The following ARHGEF12 variants were observed in gnomAD, a reference collection of about 807,000 sequenced individuals.
ARHGEF12 encodes the protein KMT2A/ARHGEF12 fusion protein.
ARHGEF12 carries 66 observed loss-of-function variants against 211.2 expected under a neutral mutation model. That is an observed-to-expected ratio of 0.31 (90% CI 0.26 to 0.38). The LOEUF (loss-of-function observed/expected upper bound fraction) is 0.38. Ranked by LOEUF, ARHGEF12 falls within the 10% of genes least tolerant of loss-of-function variation. The pLI is 1.00. For missense variants in ARHGEF12, 1,429 were observed against 1,869.5 expected (o/e 0.76, Z 4.34); for synonymous variants, 592 against 638.4 (o/e 0.93, Z 1.09).
chr11:120,351,784 A>G (rs1030733089), intron 1 of ARHGEF12, among the ~76,000 whole-genome samples: 1 of 151,930 alleles, frequency 6.6e-6, no homozygotes, highest in African/African-American at 2.4e-5. Context: ...TGTTACATTT[A>G]TTGAGTACAT....
chr11:120,394,225 CTT>C (rs942213637), intron 1 of ARHGEF12, among the ~76,000 whole-genome samples: 2 of 144,922 alleles, frequency 1.4e-5, no homozygotes, highest in Non-Finnish European at 1.5e-5. Flanking sequence ...ACATCAGCTT[CTT>C]TTTTTTTTTT....
intron 27 of ARHGEF12, 27 bp from the exon 28 acceptor site, chr11:120,465,208 CTT>C (rs1397615992): frequency 1.9e-6 from 3 of 1,612,910 alleles, no homozygotes; most frequent in Non-Finnish European, 1.7e-6. Flanking sequence ...TTCCCATTCT[CTT>C]TTGTGTTCTT....
At chr11:120,432,597 CG>C (rs1241850851) in intron 11 of ARHGEF12, among the ~76,000 whole-genome samples, 1 of 152,012 alleles carries the variant, frequency 6.6e-6, no homozygotes. Flanking sequence ...GAAGTCTGAA[CG>C]AATGTTTTGT....
At chr11:120,424,526 A>G in intron 7 of ARHGEF12, 111 bp downstream of exon 7, 4 of 777,206 alleles carry the variant, frequency 5.1e-6, no homozygotes, top group Admixed American at 4.2e-5. Context: ...TGTGGACTAT[A>G]TAGTCTACTG....
chr11:120,421,398 A>G (rs1222546640), intron 5 of ARHGEF12, among the ~76,000 whole-genome samples: 3 of 146,528 alleles, frequency 2.0e-5, no homozygotes, highest in Admixed American at 6.8e-5. Flanking sequence ...CAGAAGCAGC[A>G]TTTGAATGTA....
intron 1 of ARHGEF12, among the ~76,000 whole-genome samples, chr11:120,350,510 G>A (rs533564112): frequency 3.2e-4 from 46 of 145,568 alleles, no homozygotes; most frequent in African/African-American, 1.1e-3. Context: ...GCAAGACTCC[G>A]TCTCAAAAAA....
chr11:120,351,443 ATATATATATATATTTTT>A (rs1942958399), intron 1 of ARHGEF12, among the ~76,000 whole-genome samples: 1 of 3,774 alleles, frequency 2.6e-4, no homozygotes, highest in Non-Finnish European at 4.0e-4. Flanking sequence ...ATATATATAT[ATATATATATATATTTTT>A]TTTTTTTTTT....
At position 120,457,941 on chromosome 11, in the gene ARHGEF12, A is replaced by G. The variant is rs567789598; in HGVS notation, c.2226-139A>G. 4.9e-5 allele frequency: 58 copies of G among 1,188,266 alleles called. No individual in the cohort carries two copies. In the Middle Eastern group the frequency reaches 6.9e-4, roughly 14 times the overall value. 73.6% of individuals were successfully genotyped at this position (1,188,266 alleles called of 1,614,324 possible). ...ATTTTGAAGTATGTATAAAACAGCC[A>G]TTTGTAGGAGAGGATGAAATTTCAG... On this transcript the variant is annotated intron_variant, in intron 24 of 40. Transcript: ENST00000397843.
intron 1 of ARHGEF12, among the ~76,000 whole-genome samples, chr11:120,360,795 G>GA (rs1005902078): frequency 3.3e-5 from 5 of 152,052 alleles, no homozygotes; most frequent in Admixed American, 3.3e-4. Flanking sequence ...AAAGAGAATA[G>GA]AAAAAATATG....
rs1945286780 is a variant in ARHGEF12, at chr11:120,424,620, T to G, written c.406+205T>G. On this transcript the variant is annotated intron_variant, in intron 7 of 40. Transcript: ENST00000397843. Reference sequence around the variant, plus strand: ...GGCTGAGCTTCAGTAAAACTTTATTTGCCAAAAGTCTGTGATCCTGGTTTA... The same window carrying G: ...GGCTGAGCTTCAGTAAAACTTTATTGGCCAAAAGTCTGTGATCCTGGTTTA... Among the ~76,000 whole-genome samples the G allele has an allele frequency of 2.0e-5, 3 of 152,202 alleles. No homozygotes were observed. The South Asian group carries it at 6.2e-4, about 32-fold the overall frequency.
At chr11:120,461,008 T>G (rs1424121512) in intron 27 of ARHGEF12, among the ~76,000 whole-genome samples, 1 of 152,198 alleles carries the variant, frequency 6.6e-6, no homozygotes, top group African/African-American at 2.4e-5. Flanking sequence ...CAGGCTCCAC[T>G]GTAATCCTAG....
chr11:120,415,242 C>T (rs1044178946), intron 4 of ARHGEF12, among the ~76,000 whole-genome samples: 1 of 151,954 alleles, frequency 6.6e-6, no homozygotes, highest in African/African-American at 2.4e-5. Context: ...TTATCTTTGG[C>T]TTTCTCTGTA....
intron 1 of ARHGEF12, among the ~76,000 whole-genome samples, chr11:120,370,879 A>T (rs1162446178): frequency 2.1e-5 from 3 of 144,288 alleles, no homozygotes; most frequent in Non-Finnish European, 3.1e-5. Flanking sequence ...TTAATTTTAT[A>T]TTGTTTTGGC....
intron 39 of ARHGEF12, among the ~76,000 whole-genome samples, chr11:120,483,228 AC>A (rs1279960685): frequency 6.7e-6 from 1 of 149,730 alleles, no homozygotes; most frequent in Non-Finnish European, 1.5e-5. Flanking sequence ...AGTGCCACAC[AC>A]CAGGTTTCTA....
chr11:120,482,744 CAAA>C (rs11289906), intron 39 of ARHGEF12, among the ~76,000 whole-genome samples: 8 of 119,050 alleles, frequency 6.7e-5, no homozygotes, highest in Admixed American at 9.0e-5. Context: ...GACTCTGTCT[CAAA>C]AAAAAAAAAA....
intron 19 of ARHGEF12, 135 bp downstream of exon 19, chr11:120,448,041 G>A: frequency 1.2e-6 from 1 of 803,910 alleles, no homozygotes; most frequent in South Asian, 1.9e-5. Context: ...TGGCTTGTAT[G>A]TTATTTGACT....
intron 1 of ARHGEF12, among the ~76,000 whole-genome samples, chr11:120,390,084 G>A (rs924462510): frequency 6.6e-6 from 1 of 151,780 alleles, no homozygotes; most frequent in Non-Finnish European, 1.5e-5. Flanking sequence ...CTGCTGTTCC[G>A]GGTCTCTACA....
At chr11:120,457,012 T>C (rs963410665) in intron 22 of ARHGEF12, 106 bp from the exon 23 acceptor site, 1 of 1,007,720 alleles carries the variant, frequency 9.9e-7, no homozygotes, top group South Asian at 1.8e-5. Context: ...TAAATAAGAA[T>C]GTAGCTATGG....
chr11:120,456,085 T>C (rs1236020884), intron 22 of ARHGEF12, among the ~76,000 whole-genome samples: 2 of 152,222 alleles, frequency 1.3e-5, no homozygotes, highest in Non-Finnish European at 2.9e-5. Context: ...ATGTATGTAG[T>C]AGACGACAGT....
Sources: allele counts gnomAD v4.1 joint callset (sites outside exome capture counted in the v4.1 genomes callset), GRCh38; gene constraint gnomAD v4.1.1; transcripts MANE v1.5; gene names NCBI Gene and HGNC (gene_info 2026-07-23, HGNC 2026-07-21).